The following GRIK2 variants were observed in gnomAD, a reference collection of about 807,000 sequenced individuals.
GRIK2 encodes glutamate receptor ionotropic, kainate 2.
In GRIK2, 32 loss-of-function variants were observed where a neutral mutation model predicts 100.3. The observed-to-expected ratio is 0.32, with a 90% CI of 0.24 to 0.43. GRIK2 has a LOEUF of 0.43. Among genes scored for constraint, GRIK2 ranks in the 20% least tolerant of loss-of-function variants. The pLI, the probability that GRIK2 is intolerant of heterozygous loss-of-function variation, is 1.00. For missense variants in GRIK2, 843 were observed against 1,114.9 expected (o/e 0.76, Z 3.47); for synonymous variants, 417 against 389.4 (o/e 1.07, Z -0.83).
Position 102,054,011 on chromosome 6 carries a change from A to G in GRIK2, c.2312-1319A>G, listed in dbSNP as rs191172972. 5.3e-5 allele frequency among the ~76,000 whole-genome samples: 8 copies of G among 152,282 alleles called. No homozygotes were observed. In the East Asian group the frequency reaches 1.4e-3, roughly 26 times the overall value. ...ACTGAGAAGCAGAAATTCCCCTAAT[A>G]TACTTAAGAATTCTTGCATAATGAA... On this transcript the variant is annotated intron_variant, in intron 15 of 16. Coordinates refer to ENST00000369134, the MANE Select transcript of GRIK2 (RefSeq NM_021956.5).
chr6:102,038,934 A>G (rs1194139253), intron 15 of GRIK2, among the ~76,000 whole-genome samples: 4 of 151,342 alleles, frequency 2.6e-5, no homozygotes, highest in African/African-American at 9.7e-5. Context: ...ATTTTGAGGT[A>G]TTTTCAAGAA....
intron 4 of GRIK2, among the ~76,000 whole-genome samples, chr6:101,668,160 C>T (rs1770168860): frequency 6.6e-6 from 1 of 152,092 alleles, no homozygotes; most frequent in Non-Finnish European, 1.5e-5. Flanking sequence ...CTTTCTTTTC[C>T]TCCTCTGAGA....
chr6:101,656,777 G>A (rs536204989), intron 4 of GRIK2, among the ~76,000 whole-genome samples: 3 of 152,266 alleles, frequency 2.0e-5, no homozygotes, highest in African/African-American at 4.8e-5. Flanking sequence ...ATCAGAAAGA[G>A]GACTTAAGTC....
intron 11 of GRIK2, among the ~76,000 whole-genome samples, chr6:101,869,707 G>A (rs1326664678): frequency 2.0e-5 from 3 of 151,604 alleles, no homozygotes; most frequent in South Asian, 2.1e-4. Context: ...GCCTTTTTTC[G>A]AATAGGCAAG....
At chr6:102,053,044 G>T (rs1209467416) in intron 15 of GRIK2, among the ~76,000 whole-genome samples, 1 of 151,266 alleles carries the variant, frequency 6.6e-6, no homozygotes, top group Non-Finnish European at 1.5e-5. Flanking sequence ...CTCCAGCCTG[G>T]GTGAAAGAGC....
intron 2 of GRIK2, among the ~76,000 whole-genome samples, chr6:101,605,833 A>C (rs1023167827): frequency 1.3e-5 from 2 of 152,050 alleles, no homozygotes; most frequent in Non-Finnish European, 2.9e-5. Context: ...AATAAAAGCC[A>C]TAGAGAATTA....
At chr6:101,511,326 T>G (rs1265115169) in intron 2 of GRIK2, among the ~76,000 whole-genome samples, 2 of 152,174 alleles carry the variant, frequency 1.3e-5, no homozygotes, top group African/African-American at 2.4e-5. Flanking sequence ...CTTGGCTTCC[T>G]TGTTCCTTAA....
chr6:102,044,249 G>A (rs1011206368), intron 15 of GRIK2, among the ~76,000 whole-genome samples: 16 of 152,022 alleles, frequency 1.1e-4, no homozygotes, highest in African/African-American at 2.4e-5. Context: ...TTCACATTGT[G>A]TATCTGTTCA....
intron 10 of GRIK2, among the ~76,000 whole-genome samples, chr6:101,842,286 A>G (rs1453873407): frequency 6.6e-6 from 1 of 151,870 alleles, no homozygotes; most frequent in African/African-American, 2.4e-5. Flanking sequence ...ATCCTCTCTC[A>G]ATTCATTTCT....
At chr6:101,563,714 A>G (rs990910921) in intron 2 of GRIK2, among the ~76,000 whole-genome samples, 10 of 152,174 alleles carry the variant, frequency 6.6e-5, no homozygotes, top group Non-Finnish European at 1.0e-4. Context: ...ATTTGGAATA[A>G]TAGGACTATC....
chr6:101,488,411 CAGA>C (rs1772939443), intron 2 of GRIK2, among the ~76,000 whole-genome samples: 1 of 146,260 alleles, frequency 6.8e-6, no homozygotes, highest in Admixed American at 6.8e-5. Context: ...ATATCTTTAT[CAGA>C]AGAAGAAAAC....
At chr6:101,963,505 C>CTT (rs1562069962) in intron 14 of GRIK2, among the ~76,000 whole-genome samples, 1 of 89,806 alleles carries the variant, frequency 1.1e-5, no homozygotes, top group Non-Finnish European at 2.2e-5. Flanking sequence ...TTCTTTCTTT[C>CTT]TTTCTTTTTT....
intron 11 of GRIK2, chr6:101,860,979 A>T (rs1402522057): frequency 1.3e-6 from 1 of 768,422 alleles, no homozygotes; most frequent in Non-Finnish European, 1.6e-6. Flanking sequence ...TCTCTTCTCC[A>T]CTTTCCCATA....
intron 12 of GRIK2, among the ~76,000 whole-genome samples, chr6:101,918,163 C>T (rs1205731626): frequency 1.5e-5 from 2 of 137,564 alleles, no homozygotes; most frequent in East Asian, 2.2e-4. Context: ...TTTCATAACA[C>T]GTGAAAGTTG....
At chr6:101,604,026 TACTC>T (rs991333257) in intron 2 of GRIK2, among the ~76,000 whole-genome samples, 6 of 151,706 alleles carry the variant, frequency 4.0e-5, no homozygotes, top group Non-Finnish European at 5.9e-5. Flanking sequence ...ACTTTGATAA[TACTC>T]ATATAAAGTA....
intron 12 of GRIK2, among the ~76,000 whole-genome samples, chr6:101,894,595 G>T (rs72956401): frequency 0.021 from 3,131 of 151,448 alleles, 53 homozygotes; most frequent in Non-Finnish European, 0.032. Context: ...TTTCACCTAG[G>T]CATATGATTA....
rs1491181293 is a variant in GRIK2 at position 101,537,443 on chromosome 6, T to TGTGTGTGTGC, written c.116-84497_116-84496insCGTGTGTGTG. ...GTGTGTGTGTTTGTGTGTGTGTGTTTGTGTGTGTGTGCGTGTGTGTGTGTG... is the reference window on the plus strand; with the variant it reads ...GTGTGTGTGTTTGTGTGTGTGTGTTTGTGTGTGTGCGTGTGTGTGTGCGTGTGTGTGTGTG... On this transcript the variant is annotated intron_variant, in intron 2 of 16. Coordinates refer to ENST00000369134, the MANE Select transcript of GRIK2 (RefSeq NM_021956.5). Among the ~76,000 whole-genome samples the TGTGTGTGTGC allele has an allele frequency of 1.3e-3, 173 of 133,618 alleles. 1 individual carries two copies. Among genetic ancestry groups the TGTGTGTGTGC allele is most frequent in the African/African-American group, 4.7e-3 (168 of 35,852 alleles). 87.7% of individuals were successfully genotyped at this position (133,618 alleles called of 152,430 possible).
intron 13 of GRIK2, among the ~76,000 whole-genome samples, chr6:101,926,454 T>C (rs944213926): frequency 3.5e-4 from 53 of 152,124 alleles, no homozygotes; most frequent in African/African-American, 1.3e-3. Flanking sequence ...TTCATATCTC[T>C]TTGACAAAGA....
chr6:101,586,324 CAA>C (rs969328331), intron 2 of GRIK2, among the ~76,000 whole-genome samples: 2 of 151,860 alleles, frequency 1.3e-5, no homozygotes, highest in African/African-American at 4.8e-5. Context: ...AATAAAAATT[CAA>C]AGTTTGTTTT....
Sources: gnomAD v4.1 joint callset for allele counts (sites outside exome capture counted in the v4.1 genomes callset) on GRCh38, gnomAD v4.1.1 for gene constraint, MANE v1.5 for transcripts, NCBI Gene and HGNC (gene_info 2026-07-23, HGNC 2026-07-21) for gene names.